The following AGAP1 variants were observed in gnomAD, a reference collection of about 807,000 sequenced individuals.
AGAP1 encodes the protein arf-GAP with GTPase, ANK repeat and PH domain-containing protein 1.
Under a neutral mutation model 105.3 loss-of-function variants are expected in AGAP1, and 29 were observed. The observed-to-expected ratio is 0.28, with a 90% CI of 0.21 to 0.38. The LOEUF (loss-of-function observed/expected upper bound fraction) is 0.38, where lower values mean the gene tolerates loss of function less well. Ranked by LOEUF, AGAP1 falls within the 10% of genes least tolerant of loss-of-function variation. AGAP1 has a pLI of 1.00. For missense variants in AGAP1, 998 were observed against 1,165.1 expected (o/e 0.86, Z 2.09); for synonymous variants, 509 against 485.9 (o/e 1.05, Z -0.63).
At position 235,989,123 on chromosome 2, in the gene AGAP1, GGTT is replaced by G. The variant is rs138773273; in HGVS notation, c.1645+20507_1645+20509del. On this transcript the variant is annotated intron_variant, in intron 13 of 17. Transcript: ENST00000304032. The surrounding 1 kb of genome is among the most constrained non-coding windows in gnomAD (Gnocchi z 4.4). ...AATGTGAGATGAAGATGATGATGAT[GGTT>G]GTTGTTATTTAAAACTGCAAGACGT... Among the ~76,000 whole-genome samples, 297 of 152,284 alleles carry G rather than the reference GGTT, an allele frequency of 2.0e-3. 1 individual carries two copies. The highest frequency in any genetic ancestry group is 5.3e-3 in the African/African-American group (222 of 41,550).
intron 13 of AGAP1, among the ~76,000 whole-genome samples, chr2:235,999,677 GGTGGTGGTC>G: frequency 7.0e-6 from 1 of 143,734 alleles, no homozygotes; most frequent in South Asian, 2.3e-4. Context: ...TGATGGTGGT[GGTGGTGGTC>G]GTGGTGGTGA....
rs1015097665 is a variant in AGAP1 at position 235,891,611 on chromosome 2, G to A, written c.1155+8162G>A. ...CATCTTCCATGTCGCAAGCACGGCC[G>A]TCGAGTGCAAGGCTGCAATTCCCTG... On this transcript the variant is annotated intron_variant, in intron 10 of 17. Coordinates refer to ENST00000304032, the MANE Select transcript of AGAP1 (RefSeq NM_001037131.3). The surrounding 1 kb of genome is among the most constrained non-coding windows in gnomAD (Gnocchi z 4.2). 6.6e-6 allele frequency among the ~76,000 whole-genome samples: 1 copy of A among 152,172 alleles called. No individual in the cohort carries two copies. Among genetic ancestry groups the A allele is most frequent in the Non-Finnish European group, 1.5e-5 (1 of 68,042 alleles).
At chr2:236,108,050 G>A (rs936392692) in intron 16 of AGAP1, among the ~76,000 whole-genome samples, 34 of 152,230 alleles carry the variant, frequency 2.2e-4, no homozygotes, top group Admixed American at 1.3e-4. Flanking sequence ...CCGCATGCGG[G>A]ATTTACAGTG....
At chr2:235,722,504 C>A (rs1224217545) in intron 3 of AGAP1, among the ~76,000 whole-genome samples, 1 of 152,186 alleles carries the variant, frequency 6.6e-6, no homozygotes, top group Non-Finnish European at 1.5e-5. Context: ...GCAATCCATG[C>A]TGTTTCTTGG....
At chr2:235,909,570 C>T (rs748485758) in intron 11 of AGAP1, among the ~76,000 whole-genome samples, 3 of 152,164 alleles carry the variant, frequency 2.0e-5, no homozygotes, top group Non-Finnish European at 4.4e-5. Flanking sequence ...CCCATGTCTG[C>T]TCATCAGAGA....
chr2:235,758,154 G>A (rs186368237), intron 6 of AGAP1, among the ~76,000 whole-genome samples: 1 of 152,114 alleles, frequency 6.6e-6, no homozygotes, highest in East Asian at 1.9e-4. Flanking sequence ...GCATGTGTGT[G>A]TGTATATGTG....
Position 235,930,146 on chromosome 2 carries a change from A to G in AGAP1, c.1325-619A>G, listed in dbSNP as rs970307160. Among the ~76,000 whole-genome samples the G allele has an allele frequency of 3.3e-5, 5 of 152,202 alleles. No individual in the cohort carries two copies. The highest frequency in any genetic ancestry group is 7.4e-5 in the Non-Finnish European group (5 of 68,026). Reference sequence around the variant, plus strand: ...TAAGTATACAATGGAATCATTTTTCATCACAGCCCCTGTGCTCTATGAAGT... The same window carrying G: ...TAAGTATACAATGGAATCATTTTTCGTCACAGCCCCTGTGCTCTATGAAGT... On this transcript the variant is annotated intron_variant, in intron 11 of 17. Transcript: ENST00000304032. This position sits in a 1 kb window ranked among gnomAD's most constrained non-coding sequence, Gnocchi z 7.9.
chr2:235,607,688 G>A (rs1945991721), intron 1 of AGAP1, among the ~76,000 whole-genome samples: 1 of 152,216 alleles, frequency 6.6e-6, no homozygotes, highest in South Asian at 2.1e-4. Flanking sequence ...CAAGGTCTCT[G>A]GATTCCACTT....
chr2:235,814,212 G>C (rs1958323182), intron 9 of AGAP1, among the ~76,000 whole-genome samples: 1 of 152,224 alleles, frequency 6.6e-6, no homozygotes, highest in East Asian at 1.9e-4. Context: ...CAAGGGCGGA[G>C]CTCTTGCCAG....
At chr2:235,590,398 GTC>G (rs1945285470) in intron 1 of AGAP1, among the ~76,000 whole-genome samples, 1 of 152,118 alleles carries the variant, frequency 6.6e-6, no homozygotes, top group Non-Finnish European at 1.5e-5. Context: ...GATTCCCGGT[GTC>G]TGCACCTCCT....
rs370052958 is a variant in AGAP1 at position 235,690,125 on chromosome 2, A to C, written c.164-19054A>C. Reference sequence around the variant, plus strand: ...TCTTCTCCCCAGGTGCTGAGTCCCCAGGTTCCCCTCTCCCCCTACCTGAGG... The same window carrying C: ...TCTTCTCCCCAGGTGCTGAGTCCCCCGGTTCCCCTCTCCCCCTACCTGAGG... On this transcript the variant is annotated intron_variant, in intron 1 of 17. Transcript: ENST00000304032. This position sits in a 1 kb window ranked among gnomAD's most constrained non-coding sequence, Gnocchi z 4.1. Among the ~76,000 whole-genome samples, 167 of 152,076 alleles carry C rather than the reference A, an allele frequency of 1.1e-3. 1 individual carries two copies. Among genetic ancestry groups the C allele is most frequent in the African/African-American group, 3.8e-3 (157 of 41,472 alleles).
At chr2:235,774,535 G>A (rs567680234) in intron 6 of AGAP1, 58 of 327,784 alleles carry the variant, frequency 1.8e-4, no homozygotes, top group African/African-American at 1.2e-3. Flanking sequence ...ATTGCTGATA[G>A]GAAAGCGATC....
In AGAP1 at chr2:235,971,296, CAT is replaced by C. The variant is rs1395148230; in HGVS notation, c.1645+2676_1645+2677del. On this transcript the variant is annotated intron_variant, in intron 13 of 17. Coordinates refer to ENST00000304032, the MANE Select transcript of AGAP1 (RefSeq NM_001037131.3). This position sits in a 1 kb window ranked among gnomAD's most constrained non-coding sequence, Gnocchi z 4.8. Reference sequence around the variant, plus strand: ...GCCACATTTTCCCCCCAAATTGTAACATATCTGAAGTCAGAACATATCATTGT... The same window carrying C: ...GCCACATTTTCCCCCCAAATTGTAACATCTGAAGTCAGAACATATCATTGT... Among the ~76,000 whole-genome samples the C allele has an allele frequency of 1.3e-5, 2 of 152,156 alleles. No homozygotes were observed. Among genetic ancestry groups the C allele is most frequent in the Non-Finnish European group, 2.9e-5 (2 of 68,036 alleles).
rs1949669639 is a variant in AGAP1, at chr2:235,690,132, C to A, written c.164-19047C>A. ...CCCAGGTGCTGAGTCCCCAGGTTCCCCTCTCCCCCTACCTGAGGTACTGAG... is the reference window on the plus strand; with the variant it reads ...CCCAGGTGCTGAGTCCCCAGGTTCCACTCTCCCCCTACCTGAGGTACTGAG... On this transcript the variant is annotated intron_variant, in intron 1 of 17. Coordinates refer to ENST00000304032, the MANE Select transcript of AGAP1 (RefSeq NM_001037131.3). The surrounding 1 kb of genome is among the most constrained non-coding windows in gnomAD (Gnocchi z 4.1). Among the ~76,000 whole-genome samples the A allele has an allele frequency of 6.6e-6, 1 of 152,016 alleles. No individual in the cohort carries two copies. Among genetic ancestry groups the A allele is most frequent in the African/African-American group, 2.4e-5 (1 of 41,388 alleles).
rs1025087935 is a variant in AGAP1 at position 235,855,088 on chromosome 2, A to G, written c.1051-28257A>G. On this transcript the variant is annotated intron_variant, in intron 9 of 17. Coordinates refer to ENST00000304032, the MANE Select transcript of AGAP1 (RefSeq NM_001037131.3). The surrounding 1 kb of genome is among the most constrained non-coding windows in gnomAD (Gnocchi z 5.0). ...CTAATGGACCCTTATTTCGTGAAGG[A>G]ACAGAAAAGTAGAAAAGGTTTAAAG... is the stretch of plus-strand genomic sequence containing the variant. 1.3e-5 allele frequency among the ~76,000 whole-genome samples: 2 copies of G among 152,232 alleles called. No individual in the cohort carries two copies. Among genetic ancestry groups the G allele is most frequent in the African/African-American group, 4.8e-5 (2 of 41,456 alleles).
chr2:235,694,336 G>A (rs565864714), intron 1 of AGAP1, among the ~76,000 whole-genome samples: 1 of 152,176 alleles, frequency 6.6e-6, no homozygotes, highest in East Asian at 1.9e-4. Flanking sequence ...AAAGTTAGCT[G>A]GGCGTGGTGG....
chr2:235,495,012 G>A (rs1321289472), intron 1 of AGAP1, among the ~76,000 whole-genome samples, 163 bp downstream of exon 1: 1 of 152,060 alleles, frequency 6.6e-6, no homozygotes, highest in Non-Finnish European at 1.5e-5. Flanking sequence ...GGCCGGGCGA[G>A]CGTCGCCTGC....
At position 236,082,575 on chromosome 2, in the gene AGAP1, CTAGT is replaced by C. The variant is rs2058815294; in HGVS notation, c.2114+33297_2114+33300del. 6.6e-6 allele frequency among the ~76,000 whole-genome samples: 1 copy of C among 152,202 alleles called. No homozygotes were observed. Among genetic ancestry groups the C allele is most frequent in the African/African-American group, 2.4e-5 (1 of 41,454 alleles). ...GTGGTGATTGGTTTACAAAATTCAC[CTAGT>C]TAAAGAAAAGAGGGCCAGGTGCAAC... On this transcript the variant is annotated intron_variant, in intron 16 of 17. Coordinates refer to ENST00000304032, the MANE Select transcript of AGAP1 (RefSeq NM_001037131.3). This position sits in a 1 kb window ranked among gnomAD's most constrained non-coding sequence, Gnocchi z 4.2.
rs759456810 is a variant in AGAP1 at position 235,877,517 on chromosome 2, G to T, written c.1051-5828G>T. Among the ~76,000 whole-genome samples, 1 of 152,036 alleles carries T rather than the reference G, an allele frequency of 6.6e-6. No homozygotes were observed. Among genetic ancestry groups the T allele is most frequent in the Non-Finnish European group, 1.5e-5 (1 of 68,014 alleles). On this transcript the variant is annotated intron_variant, in intron 9 of 17. Transcript: ENST00000304032. This position sits in a 1 kb window ranked among gnomAD's most constrained non-coding sequence, Gnocchi z 4.3. ...AATCGTTTCGTGTACAGCATGCGGT[G>T]CCTTCCCCGGGGGTTAACTTGTTCT...
Sources: gnomAD v4.1 joint callset for allele counts (sites outside exome capture counted in the v4.1 genomes callset) on GRCh38, gnomAD v4.1.1 for gene constraint, Gnocchi (gnomAD v3.1) non-coding constraint, MANE v1.5 for transcripts, NCBI Gene and HGNC (gene_info 2026-07-23, HGNC 2026-07-21) for gene names.